Variants in DPP10 observed in about 807,000 individuals in gnomAD.
DPP10 encodes the protein inactive dipeptidyl peptidase 10.
A neutral mutation model predicts 120.9 loss-of-function variants in DPP10; 33 were observed. The observed-to-expected ratio is 0.27, with a 90% CI of 0.21 to 0.37. DPP10 has a LOEUF of 0.37. DPP10 is among the 10% of genes least tolerant of loss of function. The probability of loss-of-function intolerance (pLI) is 1.00; values close to 1 mark genes in which losing one functional copy is unlikely to be tolerated. For synonymous variants in DPP10, 337 were observed against 326.1 expected (o/e 1.03, Z -0.36); for missense variants, 816 against 942.8 (o/e 0.87, Z 1.76).
chr2:115,185,626 A>G (rs1055577873), intron 1 of DPP10, among the ~76,000 whole-genome samples: 3 of 152,162 alleles, frequency 2.0e-5, no homozygotes, highest in Non-Finnish European at 2.9e-5. Flanking sequence ...TCTGAGGAAA[A>G]TTGCATTAAG....
chr2:114,499,769 C>T (rs1682999557), intron 1 of DPP10, among the ~76,000 whole-genome samples: 1 of 152,186 alleles, frequency 6.6e-6, no homozygotes, highest in South Asian at 2.1e-4. Context: ...GAGAATAGAT[C>T]TGACAGCTTC....
At chr2:115,502,873 GTT>G (rs5833603) in intron 4 of DPP10, among the ~76,000 whole-genome samples, 38 of 146,290 alleles carry the variant, frequency 2.6e-4, no homozygotes, top group East Asian at 6.1e-4. Context: ...TTTTAAAACA[GTT>G]TTTTTTTTTT....
At chr2:115,642,112 A>T (rs1575418728) in intron 5 of DPP10, among the ~76,000 whole-genome samples, 1 of 152,166 alleles carries the variant, frequency 6.6e-6, no homozygotes, top group African/African-American at 2.4e-5. Flanking sequence ...TGTAACTCTA[A>T]CCATCCAAAT....
intron 21 of DPP10, among the ~76,000 whole-genome samples, chr2:115,826,291 A>T (rs545194213): frequency 1.3e-5 from 2 of 152,224 alleles, no homozygotes; most frequent in African/African-American, 4.8e-5. Context: ...TTTAAAGGCT[A>T]TAATTGTCTG....
At chr2:115,648,310 T>C (rs559223850) in intron 5 of DPP10, among the ~76,000 whole-genome samples, 1 of 152,106 alleles carries the variant, frequency 6.6e-6, no homozygotes, top group South Asian at 2.1e-4. Flanking sequence ...GGATACAACA[T>C]TATAGTTAAA....
At chr2:115,060,400 A>G (rs1706310482) in intron 1 of DPP10, among the ~76,000 whole-genome samples, 1 of 152,148 alleles carries the variant, frequency 6.6e-6, no homozygotes, top group Middle Eastern at 3.4e-3. Flanking sequence ...TGAGACCACC[A>G]TGGACAACGT....
At chr2:115,277,219 T>C (rs538477334) in intron 1 of DPP10, among the ~76,000 whole-genome samples, 1 of 152,290 alleles carries the variant, frequency 6.6e-6, no homozygotes, top group African/African-American at 2.4e-5. Context: ...GCATTCTCAG[T>C]TCCCTCCCAA....
chr2:115,112,593 T>C (rs2049282989), intron 1 of DPP10, among the ~76,000 whole-genome samples: 1 of 152,186 alleles, frequency 6.6e-6, no homozygotes. Context: ...TCAGCAGTTT[T>C]CAAAAATATA....
At chr2:114,483,377 T>C (rs1029861995) in intron 1 of DPP10, among the ~76,000 whole-genome samples, 5 of 152,080 alleles carry the variant, frequency 3.3e-5, no homozygotes, top group African/African-American at 1.2e-4. Context: ...TTGAAAATGT[T>C]CAATGGCCAT....
chr2:115,625,272 A>G (rs896181756), intron 5 of DPP10, among the ~76,000 whole-genome samples: 3 of 152,096 alleles, frequency 2.0e-5, no homozygotes, highest in Admixed American at 6.5e-5. Context: ...CAAATCTTTG[A>G]AAGGGAAAAT....
At chr2:115,668,713 C>T (rs1350471835) in intron 5 of DPP10, among the ~76,000 whole-genome samples, 4 of 152,160 alleles carry the variant, frequency 2.6e-5, no homozygotes, top group African/African-American at 7.2e-5. Flanking sequence ...TTCAGATCTC[C>T]CATGTGCACT....
At chr2:115,275,705 T>TTTC (rs2059888994) in intron 1 of DPP10, among the ~76,000 whole-genome samples, 1 of 137,272 alleles carries the variant, frequency 7.3e-6, no homozygotes. Flanking sequence ...TCTTTTCTTT[T>TTTC]TTTTTTTTTT....
At chr2:114,518,474 A>G (rs1243100369) in intron 1 of DPP10, among the ~76,000 whole-genome samples, 1 of 151,978 alleles carries the variant, frequency 6.6e-6, no homozygotes, top group Non-Finnish European at 1.5e-5. Context: ...TTTCCCTTCT[A>G]TTTTCAGGTA....
chr2:115,374,276 A>C lies in DPP10; in HGVS notation c.271+30364A>C, dbSNP rs573162845. Among the ~76,000 whole-genome samples, 32 of 152,244 alleles carry C rather than the reference A, an allele frequency of 2.1e-4. No individual in the cohort carries two copies. The South Asian group carries it at 5.6e-3, about 27-fold the overall frequency. On this transcript the variant is annotated intron_variant, in intron 3 of 25. Transcript: ENST00000410059. The stretch of plus-strand genomic sequence containing the variant: ...CAATGGAGGTACAGGCATTGTGCAA[A>C]TACTCCCATTCCAAGTGGGAGGAGA...
chr2:115,414,987 G>A (rs959101579), intron 3 of DPP10, among the ~76,000 whole-genome samples: 3 of 152,116 alleles, frequency 2.0e-5, no homozygotes, highest in Non-Finnish European at 4.4e-5. Flanking sequence ...TGCTATTGCC[G>A]AGATTAAATT....
chr2:114,781,186 T>C (rs1682295047), intron 1 of DPP10, among the ~76,000 whole-genome samples: 1 of 152,140 alleles, frequency 6.6e-6, no homozygotes, highest in African/African-American at 2.4e-5. Context: ...GGAACTTCCA[T>C]TTAACCTGTG....
chr2:114,838,933 A>G (rs1687945628), intron 1 of DPP10, among the ~76,000 whole-genome samples: 1 of 152,144 alleles, frequency 6.6e-6, no homozygotes, highest in Non-Finnish European at 1.5e-5. Flanking sequence ...CTCTAAGAAT[A>G]TGTTTTGTTA....
At chr2:114,856,965 A>G (rs931024134) in intron 1 of DPP10, among the ~76,000 whole-genome samples, 1 of 152,204 alleles carries the variant, frequency 6.6e-6, no homozygotes. Context: ...AAATTCTTAT[A>G]ATAATTTTGC....
At chr2:115,576,148 CT>C (rs1404146827) in intron 5 of DPP10, among the ~76,000 whole-genome samples, 5 of 152,136 alleles carry the variant, frequency 3.3e-5, no homozygotes, top group South Asian at 2.1e-4. Flanking sequence ...TGATTTGTTA[CT>C]GCAGCATGGA....
Sources: gnomAD v4.1 joint callset for allele counts (sites outside exome capture counted in the v4.1 genomes callset) on GRCh38, gnomAD v4.1.1 for gene constraint, MANE v1.5 for transcripts, NCBI Gene and HGNC (gene_info 2026-07-23, HGNC 2026-07-21) for gene names.